CCDC171: variants seen among roughly 807,000 people sequenced by gnomAD.
The protein encoded by CCDC171 is coiled-coil domain containing 171.
In CCDC171, 177 loss-of-function variants were observed where a neutral mutation model predicts 168.2. That is an observed-to-expected ratio of 1.05 (90% CI 0.93 to 1.19). CCDC171 has a LOEUF of 1.19. Among genes scored for constraint, CCDC171 ranks in the 50% most tolerant of loss-of-function variants. The pLI, the probability that CCDC171 is intolerant of heterozygous loss-of-function variation, is 0.00. For missense variants in CCDC171, 1,991 were observed against 1,539.0 expected (o/e 1.29, Z -4.91); for synonymous variants, 687 against 540.8 (o/e 1.27, Z -3.75).
At chr9:16,027,792 C>CG (rs1257192474) in intron 6 of CCDC171, among the ~76,000 whole-genome samples, 4 of 152,070 alleles carry the variant, frequency 2.6e-5, no homozygotes, top group Non-Finnish European at 4.4e-5. Flanking sequence ...ACATCTGCAC[C>CG]GGGGCTAAAA....
chr9:15,554,151 C>T (rs757637057), intron 1 of CCDC171, among the ~76,000 whole-genome samples: 2 of 152,210 alleles, frequency 1.3e-5, no homozygotes, highest in South Asian at 4.1e-4. Context: ...TCCCCAGCAG[C>T]CGGGACAACC....
intron 9 of CCDC171, 80 bp downstream of exon 9, chr9:15,666,403 T>G (rs952584063): frequency 3.2e-6 from 3 of 933,146 alleles, no homozygotes; most frequent in Admixed American, 2.7e-5. Flanking sequence ...GTATACTATG[T>G]ATTTTAGATA....
At chr9:15,991,859 C>G (rs1278202741) in intron 3 of CCDC171, among the ~76,000 whole-genome samples, 2 of 152,154 alleles carry the variant, frequency 1.3e-5, no homozygotes, top group African/African-American at 2.4e-5. Context: ...GACACATACA[C>G]CCTCCCAAGA....
intron 25 of CCDC171, among the ~76,000 whole-genome samples, chr9:15,944,836 T>TCTTCTTTCTTTCTTTC (rs57665767): frequency 7.7e-6 from 1 of 129,852 alleles, no homozygotes; most frequent in African/African-American, 2.9e-5. Context: ...TTTCTTTCTT[T>TCTTCTTTCTTTCTTTC]TTTCTTTCTT....
intron 12 of CCDC171, among the ~76,000 whole-genome samples, chr9:15,723,009 T>A (rs2053584857): frequency 6.6e-6 from 1 of 152,146 alleles, no homozygotes; most frequent in African/African-American, 2.4e-5. Context: ...TCAGCACAGT[T>A]GAAAAGTCGA....
In CCDC171 at chr9:16,048,913, A is replaced by G. The variant is rs1198396295; in HGVS notation, n.89+6027A>G. ...ACCACACAATAGGCTGAGAGACAGA[A>G]GTGATGAGTTTGGTGCCAATCATAA... is the stretch of plus-strand genomic sequence containing the variant. On this transcript the variant is annotated intron_variant and non_coding_transcript_variant, in intron 1 of 1. Transcript: ENST00000478913. 2.0e-5 allele frequency among the ~76,000 whole-genome samples: 3 copies of G among 150,462 alleles called. No individual in the cohort carries two copies. The Admixed American group carries it at 2.0e-4, about 10-fold the overall frequency.
chr9:15,699,466 C>T (rs916006025), intron 11 of CCDC171, among the ~76,000 whole-genome samples: 12 of 152,134 alleles, frequency 7.9e-5, no homozygotes, highest in Non-Finnish European at 4.4e-5. Context: ...TTTTTATTCT[C>T]TTATCCGGCC....
chr9:16,059,489 GTCTTTTTTTTTTTT>G (rs1248262856), intron 1 of CCDC171, among the ~76,000 whole-genome samples: 23 of 146,412 alleles, frequency 1.6e-4, no homozygotes, highest in East Asian at 8.0e-4. Flanking sequence ...TTGATAGCAG[GTCTTTTTTTTTTTT>G]TCTTTTTTTT....
At chr9:15,628,744 C>T (rs2045399339) in intron 7 of CCDC171, among the ~76,000 whole-genome samples, 1 of 152,146 alleles carries the variant, frequency 6.6e-6, no homozygotes, top group Non-Finnish European at 1.5e-5. Flanking sequence ...GGTCCCTGAC[C>T]CCTGAACCCT....
rs1401132483 is a variant in CCDC171 at position 15,921,785 on chromosome 9, G to A, written c.3753+1363G>A. Among the ~76,000 whole-genome samples, 5 of 151,224 alleles carry A rather than the reference G, an allele frequency of 3.3e-5. No individual in the cohort carries two copies. In the Admixed American group the frequency reaches 3.3e-4, roughly 10 times the overall value. On this transcript the variant is annotated intron_variant, in intron 25 of 25. Coordinates refer to ENST00000380701, the MANE Select transcript of CCDC171 (RefSeq NM_173550.4). ...GAAGAGGAAACTTTTTAAAATTTTG[G>A]AGTATTTGGAATTTATTCTAGCCTT...
chr9:15,947,691 G>C (rs906565383), intron 25 of CCDC171, among the ~76,000 whole-genome samples: 1 of 151,858 alleles, frequency 6.6e-6, no homozygotes, highest in Non-Finnish European at 1.5e-5. Context: ...ATCTCTTCAA[G>C]ACCCTACTTT....
At chr9:15,589,932 C>T (rs2041859756) in intron 4 of CCDC171, among the ~76,000 whole-genome samples, 1 of 152,100 alleles carries the variant, frequency 6.6e-6, no homozygotes. Context: ...ATGAAAATAA[C>T]TCAAGATAAC....
At chr9:15,732,684 A>G (rs766996200) in intron 16 of CCDC171, among the ~76,000 whole-genome samples, 1 of 152,132 alleles carries the variant, frequency 6.6e-6, no homozygotes, top group African/African-American at 2.4e-5. Context: ...TTTTATCCAA[A>G]TACTTGCTGA....
At chr9:15,986,642 G>A (rs1346109763) in intron 3 of CCDC171, among the ~76,000 whole-genome samples, 1 of 152,180 alleles carries the variant, frequency 6.6e-6, no homozygotes, top group Admixed American at 6.5e-5. Flanking sequence ...CCTGGCACCT[G>A]CTGGAGATGG....
Position 15,571,683 on chromosome 9 carries a change from T to C in CCDC171, c.101T>C (p.Ile34Thr), listed in dbSNP as rs1324092787. The change falls in exon 3 of 26, where the codon ATT becomes ACT. Residue 34 changes from isoleucine to threonine, a missense_variant. Ile to Thr is a moderately conservative substitution (Grantham distance 89). Transcript: ENST00000380701. ...QILKNETELD[I>T]TDNLRKKLHW... ...CTTAAAAATGAAACAGAGTTGGATA[T>C]TACTGATAATCTCAGGAAGAAACTC... is the stretch of plus-strand genomic sequence containing the variant. The C allele has an allele frequency of 6.3e-7, 1 of 1,579,644 alleles. No individual in the cohort carries two copies.
At chr9:15,908,885 A>G (rs1011189361) in intron 24 of CCDC171, among the ~76,000 whole-genome samples, 1 of 152,100 alleles carries the variant, frequency 6.6e-6, no homozygotes, top group Non-Finnish European at 1.5e-5. Context: ...TCATGATCCA[A>G]ATACCTCCCA....
At chr9:15,882,816 C>T (rs1818828987) in intron 24 of CCDC171, among the ~76,000 whole-genome samples, 2 of 151,268 alleles carry the variant, frequency 1.3e-5, no homozygotes, top group African/African-American at 2.4e-5. Context: ...TCCCATTATT[C>T]CTCCTTCTCT....
Position 15,729,661 on chromosome 9 carries a change from C to T in CCDC171, c.1912C>T (p.Leu638Phe), listed in dbSNP as rs761402415. Residue 638 changes from leucine (L) to phenylalanine (F), a missense_variant, in exon 16 of 26, where the codon CTT (leucine) becomes TTT (phenylalanine). Physicochemically the swap from Leu to Phe is conservative, Grantham distance 22. Coordinates refer to ENST00000380701, the MANE Select transcript of CCDC171 (RefSeq NM_173550.4). ...AAACAAGTCTGACACGATGAGAGAGCTTCAGCAGACTCAGGAAGACACCTT... is the reference window on the plus strand; with the variant it reads ...AAACAAGTCTGACACGATGAGAGAGTTTCAGCAGACTCAGGAAGACACCTT... ...CKNKSDTMRE[L>F]QQTQEDTFTK... 6.2e-7 allele frequency: 1 copy of T among 1,613,192 alleles called. No individual in the cohort carries two copies. Among genetic ancestry groups the T allele is most frequent in the South Asian group, 1.1e-5 (1 of 91,018 alleles).
chr9:15,848,981 G>T (rs1173801205), intron 23 of CCDC171, 34 bp downstream of exon 23: 4 of 1,130,394 alleles, frequency 3.5e-6, no homozygotes, highest in Admixed American at 2.3e-5. Context: ...TGTTCAATTT[G>T]TGTCATGACA....
Sources: allele counts gnomAD v4.1 joint callset (sites outside exome capture counted in the v4.1 genomes callset), GRCh38; gene constraint gnomAD v4.1.1; transcripts MANE v1.5; gene names NCBI Gene and HGNC (gene_info 2026-07-23, HGNC 2026-07-21).